SYT13: variants seen among roughly 807,000 people sequenced by gnomAD.
SYT13 encodes the protein synaptotagmin 13.
Under a neutral mutation model 38.6 loss-of-function variants are expected in SYT13, and 21 were observed. The observed-to-expected ratio is 0.54, with a 90% CI of 0.39 to 0.78. The LOEUF is 0.78. Ranked by LOEUF, SYT13 falls within the 30% of genes least tolerant of loss-of-function variation. SYT13 has a pLI of 0.00. For missense variants in SYT13, 495 were observed against 548.7 expected, an observed-to-expected ratio of 0.90 and a Z score of 0.98; for synonymous variants, 241 against 237.6, an observed-to-expected ratio of 1.01 and a Z score of -0.13.
At position 45,269,437 on chromosome 11, in the gene SYT13, G is replaced by A. The variant is rs1003859216; in HGVS notation, c.184-13546C>T. Reference sequence around the variant, plus strand: ...GATTTCCTTCTTGTAGGTGGCCCCTGCATTATTTCAGCAGTCACATCACAA... The same window carrying A: ...GATTTCCTTCTTGTAGGTGGCCCCTACATTATTTCAGCAGTCACATCACAA... On this transcript the variant is annotated intron_variant, in intron 1 of 5. Coordinates refer to ENST00000020926, the MANE Select transcript of SYT13 (RefSeq NM_020826.3). The A allele has an allele frequency of 5.6e-6, 7 of 1,260,850 alleles. No individual in the cohort carries two copies. The South Asian group carries it at 9.3e-5, about 17-fold the overall frequency. 78.1% of individuals were successfully genotyped at this position (1,260,850 alleles called of 1,614,324 possible).
intron 1 of SYT13, among the ~76,000 whole-genome samples, chr11:45,283,444 C>T (rs887853484): frequency 2.0e-5 from 3 of 152,310 alleles, no homozygotes; most frequent in African/African-American, 7.2e-5. Context: ...TCAATAGGTG[C>T]CATGTACATC....
intron 1 of SYT13, among the ~76,000 whole-genome samples, chr11:45,281,598 T>A (rs867753596): frequency 1.4e-5 from 2 of 146,840 alleles, no homozygotes; most frequent in African/African-American, 2.6e-5. Flanking sequence ...GCCCAGGAGG[T>A]GGAGGTTGCA....
rs1270339002 is a variant in SYT13, at chr11:45,262,758, CACACACACACAA to C, written c.184-6879_184-6868del. Among the ~76,000 whole-genome samples, 591 of 138,524 alleles carry C rather than the reference CACACACACACAA, an allele frequency of 4.3e-3. 9 individuals are homozygous for C. Among genetic ancestry groups the C allele is most frequent in the Middle Eastern group, 0.014 (4 of 286 alleles). 90.9% of individuals were successfully genotyped at this position (138,524 alleles called of 152,430 possible). A position where few individuals can be genotyped will look rare whatever the true frequency, so the allele number is the denominator to read the frequency against. ...ACACACACACACACACACACACACACACACACACACAAATTGAACTGTACACTTAAAAATGGT... is the reference window on the plus strand; with the variant it reads ...ACACACACACACACACACACACACACATTGAACTGTACACTTAAAAATGGT... On this transcript the variant is annotated intron_variant, in intron 1 of 5. Transcript: ENST00000020926.
intron 1 of SYT13, among the ~76,000 whole-genome samples, chr11:45,256,447 C>T (rs555714871): frequency 3.9e-4 from 59 of 152,298 alleles, no homozygotes; most frequent in African/African-American, 1.3e-3. Context: ...CTAACTTTTC[C>T]TCCCAAACTG....
chr11:45,264,568 C>T (rs1027174010), intron 1 of SYT13, among the ~76,000 whole-genome samples: 2 of 152,144 alleles, frequency 1.3e-5, no homozygotes, highest in African/African-American at 4.8e-5. Flanking sequence ...CAGTCAAACC[C>T]TGAGATGAGC....
intron 1 of SYT13, among the ~76,000 whole-genome samples, chr11:45,271,784 G>GA (rs1226491820): frequency 6.6e-6 from 1 of 152,122 alleles, no homozygotes; most frequent in Non-Finnish European, 1.5e-5. Context: ...CAGGTTGGGG[G>GA]AACCATGTGC....
At chr11:45,255,930 C>A (rs1172382106) in intron 1 of SYT13, 39 bp from the exon 2 acceptor site, 1 of 1,601,604 alleles carries the variant, frequency 6.2e-7, no homozygotes, top group Admixed American at 1.7e-5. Context: ...CACAAAGGAG[C>A]CCTCTTGTCT....
At position 45,240,535 on chromosome 11, in the gene SYT13, C is replaced by T. The variant is rs573759036; in HGVS notation, c.*3517G>A. 3 of 152,460 alleles carry T rather than the reference C, an allele frequency of 2.0e-5. No homozygotes were observed. The highest frequency in any genetic ancestry group is 7.2e-5 in the African/African-American group (3 of 41,556). The allele number at this position is 152,460 out of a possible 1,614,324, so 9.4% of individuals were successfully genotyped here. ...CTCCTTTACATCCAAGAGAAATGGA[C>T]CCTGAATAACTGGTCTCCTAGCTGA... On this transcript the variant is annotated 3_prime_UTR_variant, in exon 6 of 6. Transcript: ENST00000020926.
At chr11:45,256,109 C>T (rs1049922124) in intron 1 of SYT13, among the ~76,000 whole-genome samples, 3 of 152,102 alleles carry the variant, frequency 2.0e-5, no homozygotes, top group Non-Finnish European at 4.4e-5. Flanking sequence ...TCATCCATAC[C>T]TCCTCCATCC....
At chr11:45,266,503 T>TACAC (rs68112111) in intron 1 of SYT13, among the ~76,000 whole-genome samples, 6,194 of 147,326 alleles carry the variant, frequency 0.042, 123 homozygotes, top group African/African-American at 0.047. Context: ...CCCTCTCAAA[T>TACAC]ACACACACAC....
rs777574512 is a variant in SYT13, at chr11:45,244,094, G to T, written c.1239C>A (p.Asn413Lys). ...GCCACATGGCAATCTGCCGGCGAGGGTTTTTGAGCATCTCCTCCCAGTGGC... is the reference window on the plus strand; with the variant it reads ...GCCACATGGCAATCTGCCGGCGAGGTTTTTTGAGCATCTCCTCCCAGTGGC... Reference protein sequence around the residue: ...ERSHWEEMLKNPRRQIAMWHQ... With the variant: ...ERSHWEEMLKKPRRQIAMWHQ... The change falls in exon 6 of 6, where the codon AAC becomes AAA. Residue 413 changes from asparagine (N) to lysine (K), a missense_variant. Transcript: ENST00000020926. 1 of 1,610,542 alleles carries T rather than the reference G, an allele frequency of 6.2e-7. No individual in the cohort carries two copies.
intron 5 of SYT13, 25 bp from the exon 6 acceptor site, chr11:45,244,381 G>C (rs1415951023): frequency 1.9e-6 from 3 of 1,598,176 alleles, no homozygotes; most frequent in Admixed American, 1.7e-5. Context: ...AGGGGAAAAA[G>C]AGACAGAGAG....
At chr11:45,281,602 G>A (rs533729054) in intron 1 of SYT13, among the ~76,000 whole-genome samples, 133 of 151,668 alleles carry the variant, frequency 8.8e-4, no homozygotes, top group African/African-American at 3.2e-3. Context: ...AGGAGGTGGA[G>A]GTTGCAGTGA....
At chr11:45,279,672 ATTAT>A (rs1490631062) in intron 1 of SYT13, among the ~76,000 whole-genome samples, 4 of 152,230 alleles carry the variant, frequency 2.6e-5, no homozygotes, top group African/African-American at 7.2e-5. Context: ...TTCTATCACT[ATTAT>A]TTATTACTGT....
intron 1 of SYT13, among the ~76,000 whole-genome samples, chr11:45,271,711 G>A (rs1338367303): frequency 6.6e-6 from 1 of 152,194 alleles, no homozygotes; most frequent in Non-Finnish European, 1.5e-5. Flanking sequence ...AGGGATGGAC[G>A]GATGTGGAGG....
At chr11:45,279,593 C>A (rs752432532) in intron 1 of SYT13, among the ~76,000 whole-genome samples, 108 of 152,148 alleles carry the variant, frequency 7.1e-4, no homozygotes, top group Non-Finnish European at 1.4e-3. Flanking sequence ...TCTCAAAAAA[C>A]ATTTTAATAT....
chr11:45,258,409 C>G (rs1021218125), intron 1 of SYT13: 10 of 152,084 alleles, frequency 6.6e-5, no homozygotes, highest in African/African-American at 2.4e-4. Flanking sequence ...TCACTTTGGG[C>G]AGGTCATTTC....
chr11:45,256,346 C>T (rs1407122801), intron 1 of SYT13, among the ~76,000 whole-genome samples: 4 of 152,142 alleles, frequency 2.6e-5, no homozygotes, highest in Non-Finnish European at 4.4e-5. Context: ...TCTCTGATAT[C>T]GCCCCCAATC....
intron 1 of SYT13, among the ~76,000 whole-genome samples, chr11:45,284,444 G>C (rs953431382): frequency 2.0e-5 from 3 of 152,196 alleles, no homozygotes; most frequent in African/African-American, 7.2e-5. Flanking sequence ...GGCACACAGT[G>C]TATGCTATGT....
Sources: gnomAD v4.1 joint callset for allele counts (sites outside exome capture counted in the v4.1 genomes callset) on GRCh38, gnomAD v4.1.1 for gene constraint, MANE v1.5 for transcripts, NCBI Gene and HGNC (gene_info 2026-07-23, HGNC 2026-07-21) for gene names.